The following TBX1 variants were observed in gnomAD, a reference collection of about 807,000 sequenced individuals.
TBX1 encodes the protein T-box transcription factor TBX1.
In TBX1, 16 loss-of-function variants were observed where a neutral mutation model predicts 40.8. The observed-to-expected ratio is 0.39, with a 90% CI of 0.27 to 0.60. The LOEUF (loss-of-function observed/expected upper bound fraction) is 0.60. TBX1 is among the 20% of genes least tolerant of loss of function. TBX1 has a pLI of 0.51. For missense variants in TBX1, 755 were observed against 728.5 expected, an observed-to-expected ratio of 1.04 and a Z score of -0.42; for synonymous variants, 403 against 336.8, an observed-to-expected ratio of 1.20 and a Z score of -2.15.
exon 9 of TBX1, chr22:19,779,454 C>A: frequency 1.2e-6 from 2 of 1,612,472 alleles, no homozygotes; most frequent in Non-Finnish European, 1.7e-6. Flanking sequence ...TGTTTCCCTT[C>A]ACTTTGGTTC....
At chr22:19,776,552 G>A (rs1245830621) in intron 8 of TBX1, among the ~76,000 whole-genome samples, 1 of 152,162 alleles carries the variant, frequency 6.6e-6, no homozygotes, top group Non-Finnish European at 1.5e-5. Flanking sequence ...GGCCAGGCCT[G>A]CTTGCCCTGC....
intron 8 of TBX1, among the ~76,000 whole-genome samples, chr22:19,777,605 T>C (rs576361329): frequency 1.3e-5 from 2 of 152,158 alleles, no homozygotes; most frequent in Non-Finnish European, 2.9e-5. Context: ...TCTACTCTTA[T>C]AAAGAGCGTG....
chr22:19,766,510 C>T lies in TBX1; in HGVS notation c.1158C>T (p.Gly386=), dbSNP rs1601293988. ...RVLSPSLPGA[G]GAGGLVPLPG... ...TAAGCCCCTCGCTGCCCGGGGCCGG[C>T]GGCGCCGGCGGCTTAGTCCCGCTGC... The change falls in exon 7 of 7, where the codon GGC becomes GGT. Residue 386 remains glycine, a synonymous_variant. Coordinates refer to ENST00000649276, the MANE Select transcript of TBX1 (RefSeq NM_001379200.1). 2 of 1,305,794 alleles carry T rather than the reference C, an allele frequency of 1.5e-6. No individual in the cohort carries two copies. The highest frequency in any genetic ancestry group is 1.9e-6 in the Non-Finnish European group (2 of 1,030,808). The allele number at this position is 1,305,794 out of a possible 1,614,324, so 80.9% of individuals were successfully genotyped here. A position where few individuals can be genotyped will look rare whatever the true frequency, so the allele number is the denominator to read the frequency against.
Position 19,760,925 on chromosome 22 carries a change from A to T in TBX1, c.82A>T (p.Ser28Cys). 2.9e-6 allele frequency: 3 copies of T among 1,044,262 alleles called. No homozygotes were observed. Among genetic ancestry groups the T allele is most frequent in the Non-Finnish European group, 3.5e-6 (3 of 859,956 alleles). 64.7% of individuals were successfully genotyped at this position (1,044,262 alleles called of 1,614,324 possible). A position where few individuals can be genotyped will look rare whatever the true frequency, so the allele number is the denominator to read the frequency against. ...TGCAGCCTTCACGGCCAGCAGCCTG[A>T]GCAGCCTGGGGGCCGCGGGGGGCTT... ...DVAAFTASSL[S>C]SLGAAGGFPG... The change falls in exon 1 of 7, where the codon AGC (serine) becomes TGC (cysteine). Residue 28 changes from serine to cysteine, a missense_variant. By Grantham distance (112) the Ser-to-Cys change is moderately radical. Around this residue, in one of 3 missense-constraint regions of TBX1, gnomAD observed 199 missense variants for 173.0 expected, o/e 1.15. Coordinates refer to ENST00000649276, the MANE Select transcript of TBX1 (RefSeq NM_001379200.1).
rs1350339144 is a variant in TBX1 at position 19,764,476 on chromosome 22, T to C, written c.711+150T>C. The stretch of plus-strand genomic sequence containing the variant: ...CCCCGAGGAGGCCCTTTAGAGTCCC[T>C]GCGAGGCTAGAGGCTGAGGCGGAGC... On this transcript the variant is annotated intron_variant, in intron 3 of 6. Transcript: ENST00000649276. 8.8e-6 allele frequency: 9 copies of C among 1,017,192 alleles called. No homozygotes were observed. In the East Asian group the frequency reaches 1.3e-4, roughly 14 times the overall value. 63.0% of individuals were successfully genotyped at this position (1,017,192 alleles called of 1,614,324 possible).
intron 8 of TBX1, among the ~76,000 whole-genome samples, chr22:19,778,985 G>A (rs1937108449): frequency 6.6e-6 from 1 of 152,180 alleles, no homozygotes; most frequent in Non-Finnish European, 1.5e-5. Context: ...CTTTCCTTGG[G>A]GTCACTGACT....
At chr22:19,763,812 T>C (rs929404166) in intron 2 of TBX1, 17 of 484,960 alleles carry the variant, frequency 3.5e-5, no homozygotes, top group Admixed American at 7.2e-5. Context: ...CGCACTGCCC[T>C]GTGCCTGAGG....
chr22:19,758,090 C>A (rs1213369631), upstream of TBX1, among the ~76,000 whole-genome samples: 1 of 152,178 alleles, frequency 6.6e-6, no homozygotes, highest in South Asian at 2.1e-4. Context: ...GCCAGCCTCC[C>A]CACTGGCGCC....
At chr22:19,781,219 A>C (rs1937139774), downstream of TBX1, among the ~76,000 whole-genome samples, 1 of 152,080 alleles carries the variant, frequency 6.6e-6, no homozygotes, top group Admixed American at 6.6e-5. Flanking sequence ...CTTTGGAGAT[A>C]TGTCTACTTA....
chr22:19,760,264 A>G (rs1435846657), upstream of TBX1, among the ~76,000 whole-genome samples: 1 of 151,250 alleles, frequency 6.6e-6, no homozygotes, highest in East Asian at 1.9e-4. Flanking sequence ...ATACAAAAAT[A>G]AGAGGAAAGG....
In TBX1 at chr22:19,764,277, C is replaced by T; in HGVS notation, c.662C>T (p.Ser221Phe). The change falls in exon 3 of 7, where the codon TCC (serine) becomes TTC (phenylalanine). Residue 221 changes from serine to phenylalanine, a missense_variant. This residue lies in a region of TBX1 where 144 missense variants were observed against 238.0 expected (regional missense o/e 0.61). Transcript: ENST00000649276. Reference protein sequence around the residue: ...KGAQWMKQIVSFDKLKLTNNL... With the variant: ...KGAQWMKQIVFFDKLKLTNNL... ...GCGCAGTGGATGAAGCAAATCGTGTCCTTCGACAAGCTCAAGCTGACCAAC... is the reference window on the plus strand; with the variant it reads ...GCGCAGTGGATGAAGCAAATCGTGTTCTTCGACAAGCTCAAGCTGACCAAC... 6.2e-7 allele frequency: 1 copy of T among 1,613,460 alleles called. No homozygotes were observed.
downstream of TBX1, chr22:19,783,431 C>T (rs1252591963): frequency 3.2e-6 from 1 of 308,316 alleles, no homozygotes; most frequent in East Asian, 8.5e-5. Flanking sequence ...ACTTAAAGGC[C>T]ATGAGTTACT....
rs1936640287 is a variant in TBX1 at position 19,761,025 on chromosome 22, C to T, written c.182C>T (p.Pro61Leu). Residue 61 changes from proline (P) to leucine (L), a missense_variant, in exon 1 of 7, where the codon CCG becomes CTG. Pro to Leu is a moderately conservative substitution (Grantham distance 98, BLOSUM62 -3). Around this residue, in one of 3 missense-constraint regions of TBX1, gnomAD observed 199 missense variants for 173.0 expected, o/e 1.15. Transcript: ENST00000649276. ...EPPPPPPRYD[P>L]CAAAAPGAPG... ...CCGCCGCCGCCGCCGCGCTACGACCCGTGCGCCGCCGCCGCCCCCGGCGCC... is the reference window on the plus strand; with the variant it reads ...CCGCCGCCGCCGCCGCGCTACGACCTGTGCGCCGCCGCCGCCCCCGGCGCC... The T allele has an allele frequency of 3.4e-6, 3 of 894,766 alleles. No individual in the cohort carries two copies. Among genetic ancestry groups the T allele is most frequent in the Non-Finnish European group, 4.0e-6 (3 of 750,616 alleles). The allele number at this position is 894,766 out of a possible 1,614,324, so 55.4% of individuals were successfully genotyped here. A position where few individuals can be genotyped will look rare whatever the true frequency, so the allele number is the denominator to read the frequency against.
chr22:19,773,509 T>C (rs1260220377), intron 8 of TBX1, among the ~76,000 whole-genome samples: 5 of 152,168 alleles, frequency 3.3e-5, no homozygotes. Flanking sequence ...CTGTGTGGGC[T>C]TCCTTGGAGG....
intron 6 of TBX1, 90 bp from the exon 7 acceptor site, chr22:19,766,299 G>T: frequency 8.2e-7 from 1 of 1,212,962 alleles, no homozygotes; most frequent in South Asian, 3.4e-5. Flanking sequence ...GGGCGGCCAA[G>T]AGCCTTCTCT....
chr22:19,765,994 C>G lies in TBX1; in HGVS notation c.1028C>G (p.Thr343Arg). 2 of 1,510,976 alleles carry G rather than the reference C, an allele frequency of 1.3e-6. No homozygotes were observed. Among genetic ancestry groups the G allele is most frequent in the Non-Finnish European group, 1.8e-6 (2 of 1,135,916 alleles). The allele number at this position is 1,510,976 out of a possible 1,614,324, so 93.6% of individuals were successfully genotyped here. Residue 343 changes from threonine (T) to arginine (R), a missense_variant, in exon 6 of 7, where the codon ACG (threonine) becomes AGG (arginine). Physicochemically the swap from Thr to Arg is moderately conservative, Grantham distance 71. Transcript: ENST00000649276. Reference protein sequence around the residue: ...PVASPTQPSGTEKDAAEARRE... With the variant: ...PVASPTQPSGREKDAAEARRE... ...GCTTCCCCGACGCAGCCCAGCGGCA[C>G]GGAGAAAGGTAGGGCCGGGGTCGTG...
At chr22:19,764,425 G>A in intron 3 of TBX1, 99 bp downstream of exon 3, 2 of 1,500,216 alleles carry the variant, frequency 1.3e-6, no homozygotes, top group Non-Finnish European at 1.8e-6. Context: ...CAGGCCCCCG[G>A]CTGTCCCCAG....
At chr22:19,761,309 C>T in intron 1 of TBX1, 29 bp downstream of exon 1, 1 of 1,525,580 alleles carries the variant, frequency 6.6e-7, no homozygotes. Context: ...ACGCCGCGAC[C>T]CTCCCCACGT....
chr22:19,768,063 G>A (rs536140337), downstream of TBX1, among the ~76,000 whole-genome samples: 2 of 152,324 alleles, frequency 1.3e-5, no homozygotes, highest in South Asian at 4.1e-4. Flanking sequence ...GATGGGGCGA[G>A]AGGAACTCTT....
Sources: allele counts gnomAD v4.1 joint callset (sites outside exome capture counted in the v4.1 genomes callset), GRCh38; gene constraint gnomAD v4.1.1; regional missense constraint gnomAD v4.1.1; transcripts MANE v1.5; gene names NCBI Gene and HGNC (gene_info 2026-07-23, HGNC 2026-07-21).